Variants in SPPL2A observed in about 807,000 individuals in gnomAD.
The protein encoded by SPPL2A is signal peptide peptidase like 2A, also known as signal peptide peptidase-like 2A.
Under a neutral mutation model 63.8 loss-of-function variants are expected in SPPL2A, and 51 were observed. The ratio of observed to expected loss-of-function variants is 0.80; its 90% CI spans 0.64 to 1.01. The LOEUF is 1.01. Ranked by LOEUF, SPPL2A falls within the 50% of genes least tolerant of loss-of-function variation. The probability of loss-of-function intolerance (pLI) is 0.00; values close to 1 mark genes in which losing one functional copy is unlikely to be tolerated. For missense variants in SPPL2A, 553 were observed against 622.7 expected (o/e 0.89, Z 1.19); for synonymous variants, 188 against 205.8 (o/e 0.91, Z 0.74).
chr15:50,765,505 G>A lies in SPPL2A; in HGVS notation c.29C>T (p.Ala10Val). ...GAAGCCCCAGAGTAGGGCGGCCCCG[G>A]CAGGGGACAGCCGCCGCTGCGGCCC... is the stretch of plus-strand genomic sequence containing the variant. The part of the protein sequence containing the change: MGPQRRLSP[A>V]GAALLWGFLL... The change falls in exon 1 of 15, where the codon GCC becomes GTC. Residue 10 changes from alanine (A) to valine (V), a missense_variant. By Grantham distance (64) the Ala-to-Val change is moderately conservative. Coordinates refer to ENST00000261854, the MANE Select transcript of SPPL2A (RefSeq NM_032802.4). 4 of 1,501,138 alleles carry A rather than the reference G, an allele frequency of 2.7e-6. No homozygotes were observed. The highest frequency in any genetic ancestry group is 5.5e-5 in the East Asian group (2 of 36,274). The allele number at this position is 1,501,138 out of a possible 1,614,324, so 93.0% of individuals were successfully genotyped here.
At chr15:50,736,223 G>A in intron 7 of SPPL2A, 21 bp from the exon 8 acceptor site, 2 of 1,368,542 alleles carry the variant, frequency 1.5e-6, no homozygotes, top group Non-Finnish European at 2.1e-6. Context: ...GATTAAAATA[G>A]TTAACACTGC....
intron 5 of SPPL2A, among the ~76,000 whole-genome samples, chr15:50,741,181 T>C (rs925194391): frequency 6.6e-6 from 1 of 152,176 alleles, no homozygotes; most frequent in Non-Finnish European, 1.5e-5. Context: ...CTCCTAGTTA[T>C]ATGCAACCTA....
Position 50,719,997 on chromosome 15 carries a change from T to C in SPPL2A, c.1431A>G (p.Ser477=), listed in dbSNP as rs747163826. Residue 477 remains serine (S), a synonymous_variant, in exon 14 of 15, where the codon TCA becomes TCG. Coordinates refer to ENST00000261854, the MANE Select transcript of SPPL2A (RefSeq NM_032802.4). The part of the protein sequence containing the change: ...YLVPCTLITA[S]VVAWRRKEMK... ...TTTCCTTACGTCTCCAGGCAACAAC[T>C]GAGGCAGTAATAAGTGTGCAAGGTA... 1.3e-5 allele frequency: 21 copies of C among 1,613,942 alleles called. No individual in the cohort carries two copies. The highest frequency in any genetic ancestry group is 1.7e-5 in the Non-Finnish European group (20 of 1,179,848).
Position 50,765,553 on chromosome 15 carries a change from T to A in SPPL2A, c.-20A>T, listed in dbSNP as rs754990666. On this transcript the variant is annotated 5_prime_UTR_variant, in exon 1 of 15. Coordinates refer to ENST00000261854, the MANE Select transcript of SPPL2A (RefSeq NM_032802.4). ...CCCCATCGGACTGGTGGGTGCCGGG[T>A]GGGACGGCACGGTGCGGCGCAGCTC... is the stretch of plus-strand genomic sequence containing the variant. The A allele has an allele frequency of 6.1e-6, 9 of 1,472,058 alleles. No individual in the cohort carries two copies. The South Asian group carries it at 1.2e-4, about 19-fold the overall frequency. The allele number at this position is 1,472,058 out of a possible 1,614,324, so 91.2% of individuals were successfully genotyped here.
In SPPL2A at chr15:50,726,375, A is replaced by T. The variant is rs1237428145; in HGVS notation, c.1092T>A (p.Asn364Lys). ...CGAGTTCAACCATGATACTCTCACC[A>T]TTCTAAAATTGAGAAGGAAAAGAAG... The part of the protein sequence containing the change: ...FVFITPFITK[N>K]GESIMVELAA... The change falls in exon 11 of 15, where the codon AAT becomes AAA. Residue 364 changes from asparagine to lysine, a missense_variant and splice_region_variant. Asn to Lys is a moderately conservative substitution (Grantham distance 94). Transcript: ENST00000261854. The T allele has an allele frequency of 6.2e-7, 1 of 1,613,392 alleles. No individual in the cohort carries two copies. Among genetic ancestry groups the T allele is most frequent in the African/African-American group, 1.3e-5 (1 of 74,924 alleles).
intron 14 of SPPL2A, among the ~76,000 whole-genome samples, chr15:50,715,711 TA>T (rs1567149557): frequency 6.6e-6 from 1 of 151,932 alleles, no homozygotes; most frequent in African/African-American, 2.4e-5. Flanking sequence ...GTAATTAAGA[TA>T]CAAAAAAGAA....
intron 1 of SPPL2A, among the ~76,000 whole-genome samples, chr15:50,756,663 A>T (rs2062959902): frequency 6.6e-6 from 1 of 152,150 alleles, no homozygotes. Flanking sequence ...AGGTGGGAAG[A>T]TCGCTTGAGG....
chr15:50,726,844 T>C (rs1387158064), intron 10 of SPPL2A, among the ~76,000 whole-genome samples: 2 of 152,204 alleles, frequency 1.3e-5, no homozygotes, highest in African/African-American at 4.8e-5. Context: ...TGAATAAATA[T>C]ACATCTGACC....
chr15:50,752,919 T>C (rs911851304), intron 1 of SPPL2A, among the ~76,000 whole-genome samples: 1 of 152,132 alleles, frequency 6.6e-6, no homozygotes, highest in Non-Finnish European at 1.5e-5. Context: ...TCAAGTGGTA[T>C]AACCTTTTTA....
chr15:50,750,462 C>T (rs1414510171), intron 1 of SPPL2A, among the ~76,000 whole-genome samples: 1 of 151,744 alleles, frequency 6.6e-6, no homozygotes, highest in African/African-American at 2.4e-5. Flanking sequence ...AACTAGGGTA[C>T]AAAGAAAAAA....
At chr15:50,765,340 G>C in intron 1 of SPPL2A, 128 bp downstream of exon 1, 1 of 583,950 alleles carries the variant, frequency 1.7e-6, no homozygotes, top group Non-Finnish European at 2.8e-6. Flanking sequence ...GGAAAGAGGA[G>C]TGCGAGAGCA....
At chr15:50,712,189 G>A (rs2062564251) in intron 14 of SPPL2A, among the ~76,000 whole-genome samples, 1 of 152,148 alleles carries the variant, frequency 6.6e-6, no homozygotes, top group Non-Finnish European at 1.5e-5. Context: ...AGTGAGGGAG[G>A]CATATATAAA....
chr15:50,753,526 C>A (rs1300352938), intron 1 of SPPL2A, among the ~76,000 whole-genome samples: 2 of 152,166 alleles, frequency 1.3e-5, no homozygotes, highest in East Asian at 3.9e-4. Flanking sequence ...GGTTATGTTA[C>A]AAGTTTTTTA....
chr15:50,732,836 T>C (rs985019738), intron 8 of SPPL2A, 152 bp from the exon 9 acceptor site: 2 of 576,790 alleles, frequency 3.5e-6, no homozygotes, highest in African/African-American at 1.9e-5. Flanking sequence ...TCACCCAGGC[T>C]GGAGTGCAGT....
intron 14 of SPPL2A, among the ~76,000 whole-genome samples, chr15:50,718,365 T>C (rs541372851): frequency 2.6e-5 from 4 of 152,138 alleles, no homozygotes; most frequent in Admixed American, 6.6e-5. Context: ...TATCCTCTCA[T>C]AGAATCACTC....
At chr15:50,722,414 T>G (rs923659469) in intron 12 of SPPL2A, among the ~76,000 whole-genome samples, 1 of 152,264 alleles carries the variant, frequency 6.6e-6, no homozygotes, top group African/African-American at 2.4e-5. Flanking sequence ...AAATAGTTTT[T>G]AACTATCATT....
intron 14 of SPPL2A, among the ~76,000 whole-genome samples, chr15:50,717,972 T>TTTG (rs1555441128): frequency 9.8e-4 from 137 of 139,476 alleles, no homozygotes; most frequent in African/African-American, 3.4e-3. Context: ...ACTTTCGTTT[T>TTTG]TTTTTTTTTT....
rs146068340 is a variant in SPPL2A, at chr15:50,758,562, G to A, written c.66+6906C>T. 2.3e-4 allele frequency among the ~76,000 whole-genome samples: 35 copies of A among 151,710 alleles called. No individual in the cohort carries two copies. In the East Asian group the frequency reaches 4.8e-3, roughly 21 times the overall value. ...CCAGGATGGTCTCGATCTCTTGACC[G>A]CGTGATCTGCCTGCCTCAGCCTCCC... On this transcript the variant is annotated intron_variant, in intron 1 of 14. Transcript: ENST00000261854.
At position 50,708,948 on chromosome 15, in the gene SPPL2A, A is replaced by G. The variant is rs145800500; in HGVS notation, c.1489-1074T>C. Among the ~76,000 whole-genome samples, 1,060 of 151,942 alleles carry G rather than the reference A, an allele frequency of 7.0e-3. 12 individuals are homozygous for G. The highest frequency in any genetic ancestry group is 0.024 in the African/African-American group (1,014 of 41,444). ...GCTAATTGGGAGGTTGAGGCAGGAG[A>G]ATGGTATGAACCCAGAAGGCAGAGC... On this transcript the variant is annotated intron_variant, in intron 14 of 14. Transcript: ENST00000261854.
Sources: allele counts gnomAD v4.1 joint callset (sites outside exome capture counted in the v4.1 genomes callset), GRCh38; gene constraint gnomAD v4.1.1; transcripts MANE v1.5; gene names NCBI Gene and HGNC (gene_info 2026-07-23, HGNC 2026-07-21).